Variants in LRRTM4 observed in about 807,000 individuals in gnomAD.
LRRTM4 encodes leucine-rich repeat transmembrane neuronal protein 4.
Under a neutral mutation model 47.6 loss-of-function variants are expected in LRRTM4, and 25 were observed. The ratio of observed to expected loss-of-function variants is 0.53; its 90% confidence interval spans 0.38 to 0.73. The LOEUF (loss-of-function observed/expected upper bound fraction) is 0.73. Among genes scored for constraint, LRRTM4 ranks in the 30% least tolerant of loss-of-function variants. The pLI, the probability that LRRTM4 is intolerant of heterozygous loss-of-function variation, is 0.00. For missense variants in LRRTM4, 638 were observed against 713.4 expected (o/e 0.89, Z 1.20); for synonymous variants, 311 against 269.5 (o/e 1.15, Z -1.51).
chr2:77,300,034 T>C (rs926443448), intron 3 of LRRTM4, among the ~76,000 whole-genome samples: 3 of 151,934 alleles, frequency 2.0e-5, no homozygotes, highest in Non-Finnish European at 4.4e-5. Flanking sequence ...GTATTTTTAG[T>C]AGACACGGGG....
chr2:77,339,291 C>T (rs952176169), intron 3 of LRRTM4, among the ~76,000 whole-genome samples: 2 of 151,902 alleles, frequency 1.3e-5, no homozygotes, highest in East Asian at 1.9e-4. Context: ...ATTTACTTAA[C>T]GTATATTTAA....
chr2:76,845,601 T>A (rs896343533), intron 3 of LRRTM4, among the ~76,000 whole-genome samples: 1 of 152,142 alleles, frequency 6.6e-6, no homozygotes, highest in African/African-American at 2.4e-5. Flanking sequence ...AGGGGAGCAC[T>A]GAGAACACTA....
At chr2:77,098,013 CTTAA>C (rs2103903934) in intron 3 of LRRTM4, among the ~76,000 whole-genome samples, 1 of 151,920 alleles carries the variant, frequency 6.6e-6, no homozygotes, top group African/African-American at 2.4e-5. Flanking sequence ...AGATTTAAAA[CTTAA>C]TTGGGAAATA....
chr2:76,821,186 G>A (rs1671044149), intron 3 of LRRTM4, among the ~76,000 whole-genome samples: 1 of 151,650 alleles, frequency 6.6e-6, no homozygotes, highest in South Asian at 2.1e-4. Context: ...CATATAATGT[G>A]TGATATAGCA....
intron 3 of LRRTM4, among the ~76,000 whole-genome samples, chr2:77,431,723 TG>T (rs1675382684): frequency 6.7e-6 from 1 of 148,958 alleles, no homozygotes; most frequent in Non-Finnish European, 1.5e-5. Flanking sequence ...AATTTTATGG[TG>T]GGGAAGGCAG....
At chr2:77,192,337 T>C (rs1349336662) in intron 3 of LRRTM4, among the ~76,000 whole-genome samples, 1 of 152,082 alleles carries the variant, frequency 6.6e-6, no homozygotes. Flanking sequence ...CAGTTTAGTT[T>C]GTTATTTTTG....
intron 3 of LRRTM4, among the ~76,000 whole-genome samples, chr2:77,217,440 A>AT (rs1674484073): frequency 3.9e-5 from 3 of 76,818 alleles, no homozygotes; most frequent in Admixed American, 1.8e-4. Context: ...CTCCAAATGA[A>AT]ATATATATAT....
intron 3 of LRRTM4, among the ~76,000 whole-genome samples, chr2:77,449,582 A>G (rs988235608): frequency 1.3e-5 from 2 of 152,096 alleles, no homozygotes; most frequent in Admixed American, 6.6e-5. Flanking sequence ...CTAAGGTTCA[A>G]TCATGTGACC....
At chr2:77,348,928 G>A (rs914701312) in intron 3 of LRRTM4, among the ~76,000 whole-genome samples, 1 of 151,768 alleles carries the variant, frequency 6.6e-6, no homozygotes, top group Non-Finnish European at 1.5e-5. Flanking sequence ...AAGTATAGCA[G>A]CCACTTATAA....
chr2:77,131,219 G>T (rs955502872), intron 3 of LRRTM4, among the ~76,000 whole-genome samples: 1 of 152,062 alleles, frequency 6.6e-6, no homozygotes. Context: ...AAACAAAGCC[G>T]CAAGTAAATG....
At chr2:77,209,561 G>A (rs1674235915) in intron 3 of LRRTM4, among the ~76,000 whole-genome samples, 1 of 152,064 alleles carries the variant, frequency 6.6e-6, no homozygotes, top group Non-Finnish European at 1.5e-5. Flanking sequence ...AGGTATTATC[G>A]ACAATGTTAC....
intron 3 of LRRTM4, among the ~76,000 whole-genome samples, chr2:77,362,156 A>AGAAAGAAAGAAAGGAAGAAAGAAG (rs1672256784): frequency 1.3e-5 from 2 of 151,570 alleles, no homozygotes; most frequent in African/African-American, 4.9e-5. Flanking sequence ...AAAGAAAGAA[A>AGAAAGAAAGAAAGGAAGAAAGAAG]GAAAGAAAGA....
chr2:76,780,822 G>A (rs558598559), intron 3 of LRRTM4, among the ~76,000 whole-genome samples: 1 of 152,060 alleles, frequency 6.6e-6, no homozygotes, highest in South Asian at 2.1e-4. Flanking sequence ...TCCTTTGGAG[G>A]AGGAGAGGTG....
chr2:77,322,893 T>C (rs1027169962), intron 3 of LRRTM4, among the ~76,000 whole-genome samples: 12 of 151,334 alleles, frequency 7.9e-5, no homozygotes, highest in Admixed American at 2.0e-4. Context: ...TTTTTCAAAA[T>C]AGAAATGTCA....
intron 3 of LRRTM4, among the ~76,000 whole-genome samples, chr2:76,799,612 CAGG>C (rs988840208): frequency 1.4e-5 from 2 of 139,006 alleles, no homozygotes; most frequent in Non-Finnish European, 3.1e-5. Flanking sequence ...GGTAATTAGG[CAGG>C]AGAAGGAAAT....
intron 3 of LRRTM4, among the ~76,000 whole-genome samples, chr2:77,103,416 T>C (rs1671008736): frequency 6.6e-6 from 1 of 151,970 alleles, no homozygotes. Flanking sequence ...CAATGCAATC[T>C]CCAAAAGAAT....
intron 3 of LRRTM4, among the ~76,000 whole-genome samples, chr2:76,883,391 G>T (rs1479854344): frequency 6.6e-6 from 1 of 152,080 alleles, no homozygotes; most frequent in Non-Finnish European, 1.5e-5. Context: ...GGATTAATGG[G>T]GGACCTGAGT....
intron 3 of LRRTM4, among the ~76,000 whole-genome samples, chr2:77,515,056 G>T (rs900340543): frequency 9.2e-5 from 14 of 151,786 alleles, no homozygotes; most frequent in Non-Finnish European, 1.8e-4. Flanking sequence ...TCTTTTCTGA[G>T]TACATACTGA....
chr2:77,120,602 G>A (rs532994784), intron 3 of LRRTM4, among the ~76,000 whole-genome samples: 6 of 151,764 alleles, frequency 4.0e-5, no homozygotes, highest in Non-Finnish European at 7.4e-5. Context: ...GTAATTTCAC[G>A]CTTCTGATGC....
Sources: allele counts gnomAD v4.1 joint callset (sites outside exome capture counted in the v4.1 genomes callset), GRCh38; gene constraint gnomAD v4.1.1; transcripts MANE v1.5; gene names NCBI Gene and HGNC (gene_info 2026-07-23, HGNC 2026-07-21).